The following PPFIBP2 variants were observed in gnomAD, a reference collection of about 807,000 sequenced individuals.
The protein encoded by PPFIBP2 is liprin-beta-2.
PPFIBP2 carries 118 observed loss-of-function variants against 118.3 expected under a neutral mutation model. The ratio of observed to expected loss-of-function variants is 1.00; its 90% CI spans 0.86 to 1.16. PPFIBP2 has a LOEUF of 1.16. Ranked by LOEUF, PPFIBP2 falls within the 50% of genes most tolerant of loss-of-function variation. PPFIBP2 has a pLI of 0.00. For missense variants in PPFIBP2, 1,195 were observed against 1,073.1 expected, an observed-to-expected ratio of 1.11 and a Z score of -1.59; for synonymous variants, 414 against 397.4, an observed-to-expected ratio of 1.04 and a Z score of -0.50.
At position 7,572,885 on chromosome 11, in the gene PPFIBP2, T is replaced by C. The variant is rs995119876; in HGVS notation, c.279+7118T>C. Among the ~76,000 whole-genome samples the C allele has an allele frequency of 3.3e-5, 5 of 152,322 alleles. No individual in the cohort carries two copies. The South Asian group carries it at 8.3e-4, about 25-fold the overall frequency. On this transcript the variant is annotated intron_variant, in intron 3 of 23. Transcript: ENST00000299492. The stretch of plus-strand genomic sequence containing the variant: ...ATCTCCACCTCCCAGGTTCAAGCAA[T>C]TCTCCTGCCCCAGCCTCCCGATTAG...
chr11:7,642,458 C>A, intron 17 of PPFIBP2, 32 bp downstream of exon 17: 1 of 1,586,944 alleles, frequency 6.3e-7, no homozygotes, highest in South Asian at 1.1e-5. Context: ...TTTGATCTCC[C>A]TGCTCTGAAA....
chr11:7,657,975 T>C (rs1034118413), downstream of PPFIBP2, among the ~76,000 whole-genome samples: 3 of 152,172 alleles, frequency 2.0e-5, no homozygotes, highest in South Asian at 2.1e-4. Flanking sequence ...CTCCTTCGCA[T>C]GTGTGTGTTA....
intron 1 of PPFIBP2, among the ~76,000 whole-genome samples, chr11:7,536,059 T>A (rs1455565836): frequency 6.6e-6 from 1 of 152,194 alleles, no homozygotes; most frequent in African/African-American, 2.4e-5. Flanking sequence ...CTGTTAACAT[T>A]TAACCTTCAC....
chr11:7,562,940 TATATATATATATATATATATA>T (rs1564976366), intron 2 of PPFIBP2, among the ~76,000 whole-genome samples: 14 of 74,166 alleles, frequency 1.9e-4, no homozygotes, highest in African/African-American at 4.6e-4. Flanking sequence ...TATATATATA[TATATATATATATATATATATA>T]TATATATATA....
At chr11:7,610,501 CCCAGCCTG>C in intron 6 of PPFIBP2, 79 bp downstream of exon 6, 2 of 1,566,306 alleles carry the variant, frequency 1.3e-6, no homozygotes, top group South Asian at 2.3e-5. Flanking sequence ...CTGGTCAACT[CCCAGCCTG>C]GAAGCTATTG....
At chr11:7,660,034 G>T (rs200602764), downstream of PPFIBP2, among the ~76,000 whole-genome samples, 9 of 124,182 alleles carry the variant, frequency 7.2e-5, 2 homozygotes, top group Non-Finnish European at 5.7e-5. Context: ...CTTATCAGCT[G>T]AAGGAGATTT....
intron 3 of PPFIBP2, among the ~76,000 whole-genome samples, chr11:7,580,791 A>G (rs1449305123): frequency 6.6e-6 from 1 of 152,222 alleles, no homozygotes; most frequent in East Asian, 1.9e-4. Flanking sequence ...ACTCAGTAAG[A>G]TAGTACGATT....
chr11:7,659,410 C>T (rs1263292564), downstream of PPFIBP2, among the ~76,000 whole-genome samples: 2 of 143,096 alleles, frequency 1.4e-5, no homozygotes, highest in East Asian at 2.0e-4. Flanking sequence ...GAATCCTTTC[C>T]CCATTGCTTG....
intron 1 of PPFIBP2, among the ~76,000 whole-genome samples, chr11:7,543,103 C>T (rs1429945508): frequency 1.3e-5 from 2 of 152,204 alleles, no homozygotes; most frequent in Non-Finnish European, 2.9e-5. Context: ...GAGAATTTAG[C>T]GCTGCCATCA....
intron 13 of PPFIBP2, among the ~76,000 whole-genome samples, chr11:7,635,266 G>A (rs1851305341): frequency 6.6e-6 from 1 of 152,168 alleles, no homozygotes; most frequent in South Asian, 2.1e-4. Flanking sequence ...GAACCATAAA[G>A]GCTGAAGTCT....
At chr11:7,522,444 C>G (rs1849841853) in intron 1 of PPFIBP2, among the ~76,000 whole-genome samples, 1 of 152,104 alleles carries the variant, frequency 6.6e-6, no homozygotes, top group South Asian at 2.1e-4. Context: ...ATATGTTTAC[C>G]CATAAGAGGA....
chr11:7,601,633 C>T (rs185740530), intron 5 of PPFIBP2, among the ~76,000 whole-genome samples: 52 of 152,318 alleles, frequency 3.4e-4, no homozygotes, highest in African/African-American at 1.2e-3. Context: ...CTGAGCATGT[C>T]TGGATTGCCC....
intron 3 of PPFIBP2, among the ~76,000 whole-genome samples, chr11:7,590,452 C>T (rs1052950834): frequency 6.6e-6 from 1 of 152,080 alleles, no homozygotes; most frequent in African/African-American, 2.4e-5. Flanking sequence ...GGGGGAGGGA[C>T]CTGTCTGCCA....
rs553677544 is a variant in PPFIBP2, at chr11:7,574,808, C to G, written c.279+9041C>G. 8.5e-5 allele frequency among the ~76,000 whole-genome samples: 13 copies of G among 152,294 alleles called. No individual in the cohort carries two copies. The South Asian group carries it at 2.3e-3, about 27-fold the overall frequency. ...CCCTTTCCCTCCTGCCAACCTGCTC[C>G]TAGGTCTTTTGGGGTGTTAATTTGT... On this transcript the variant is annotated intron_variant, in intron 3 of 23. Transcript: ENST00000299492.
At chr11:7,551,913 T>C (rs1473808315) in intron 2 of PPFIBP2, among the ~76,000 whole-genome samples, 1 of 152,150 alleles carries the variant, frequency 6.6e-6, no homozygotes, top group Non-Finnish European at 1.5e-5. Flanking sequence ...CTGGGATGTG[T>C]GTGGAGAGAG....
chr11:7,587,536 C>T (rs986734473), intron 3 of PPFIBP2, among the ~76,000 whole-genome samples: 3 of 152,188 alleles, frequency 2.0e-5, no homozygotes, highest in Admixed American at 1.3e-4. Context: ...AAGAGGGAAC[C>T]AACAGGAAGG....
At chr11:7,542,769 C>T (rs1851929617) in intron 1 of PPFIBP2, among the ~76,000 whole-genome samples, 2 of 152,294 alleles carry the variant, frequency 1.3e-5, no homozygotes, top group South Asian at 2.1e-4. Context: ...AGAACTGTAC[C>T]CTAGCATCTC....
At chr11:7,649,801 G>A in intron 21 of PPFIBP2, 147 bp downstream of exon 21, 1 of 1,266,084 alleles carries the variant, frequency 7.9e-7, no homozygotes, top group Non-Finnish European at 1.1e-6. Flanking sequence ...GCTTCCTGTT[G>A]CCCCAAACAT....
intron 1 of PPFIBP2, among the ~76,000 whole-genome samples, chr11:7,548,088 C>A (rs1157043046): frequency 6.6e-6 from 1 of 152,198 alleles, no homozygotes; most frequent in Non-Finnish European, 1.5e-5. Context: ...TAATTTTAAT[C>A]ATGACATCTA....
Sources: allele counts gnomAD v4.1 joint callset (sites outside exome capture counted in the v4.1 genomes callset), GRCh38; gene constraint gnomAD v4.1.1; transcripts MANE v1.5; gene names NCBI Gene and HGNC (gene_info 2026-07-23, HGNC 2026-07-21).